The following ELN variants were observed in gnomAD, a reference collection of about 807,000 sequenced individuals.
ELN encodes the protein elastin, also known as tropoelastin.
A neutral mutation model predicts 105.8 loss-of-function variants in ELN; 65 were observed. The ratio of observed to expected loss-of-function variants is 0.61; its 90% CI spans 0.50 to 0.75. The LOEUF is 0.75. ELN is among the 30% of genes least tolerant of loss of function. ELN has a pLI of 0.00. For missense variants in ELN, 882 were observed against 969.4 expected (o/e 0.91, Z 1.20); for synonymous variants, 368 against 389.2 (o/e 0.95, Z 0.64).
intron 1 of ELN, among the ~76,000 whole-genome samples, chr7:74,035,095 C>T (rs1330022776): frequency 1.3e-5 from 2 of 152,272 alleles, no homozygotes; most frequent in Non-Finnish European, 1.5e-5. Flanking sequence ...GCCAAGACTC[C>T]GTCTCAGTCT....
In ELN at chr7:74,068,899, C is replaced by T. The variant is rs1397644519; in HGVS notation, c.*199C>T. ...CCAAGTGCCCCGACCAGGAGGCCCC[C>T]TACTTCAGAGGCAAGGGCCATGTGG... On this transcript the variant is annotated 3_prime_UTR_variant, in exon 33 of 33. Transcript: ENST00000252034. The T allele has an allele frequency of 2.3e-5, 15 of 653,222 alleles. No individual in the cohort carries two copies. In the East Asian group the frequency reaches 4.2e-4, roughly 18 times the overall value. The allele number at this position is 653,222 out of a possible 1,614,324, so 40.5% of individuals were successfully genotyped here. A position where few individuals can be genotyped will look rare whatever the true frequency, so the allele number is the denominator to read the frequency against.
In ELN at chr7:74,063,243, A is replaced by G. The variant is rs1261373233; in HGVS notation, c.1858+19A>G. On this transcript the variant is annotated intron_variant, in intron 27 of 32. Transcript: ENST00000252034. The surrounding 1 kb of genome is among the most constrained non-coding windows in gnomAD (Gnocchi z 4.1). ...GTGGTGGGTGAGTTGAAACCCCAGG[A>G]GGGGCAGGGTGGGGAGGGAATCTAA... 6.2e-7 allele frequency: 1 copy of G among 1,601,276 alleles called. No individual in the cohort carries two copies. The highest frequency in any genetic ancestry group is 8.5e-7 in the Non-Finnish European group (1 of 1,175,664).
rs1404996915 is a variant in ELN at position 74,057,651 on chromosome 7, C to A, written c.1369C>A (p.Pro457Thr). Residue 457 changes from proline to threonine, a missense_variant, in exon 22 of 33, where the codon CCA (proline) becomes ACA (threonine). Transcript: ENST00000252034. ...AKAAKYGVGT[P>T]AAAAAKAAAK... ...CTTCACACCTCCAGGAGTGGGGACC[C>A]CAGCAGCTGCAGCTGCTAAAGCAGC... 2 of 1,613,810 alleles carry A rather than the reference C, an allele frequency of 1.2e-6. No homozygotes were observed. The highest frequency in any genetic ancestry group is 2.7e-5 in the African/African-American group (2 of 74,910).
intron 22 of ELN, 105 bp from the exon 23 acceptor site, chr7:74,059,781 A>C (rs1796185857): frequency 2.5e-6 from 2 of 787,588 alleles, no homozygotes; most frequent in Non-Finnish European, 4.7e-6. Context: ...ATCCAGGGTC[A>C]CACAGCAAAT....
chr7:74,046,539 T>G, intron 11 of ELN, 157 bp from the exon 12 acceptor site: 1 of 814,598 alleles, frequency 1.2e-6, no homozygotes. Flanking sequence ...TGGGAATTTC[T>G]CAACTGACCC....
At chr7:74,050,734 T>A (rs1038701874) in intron 15 of ELN, among the ~76,000 whole-genome samples, 12 of 151,696 alleles carry the variant, frequency 7.9e-5, no homozygotes, top group African/African-American at 2.2e-4. Flanking sequence ...CAAACAAGAG[T>A]TCTCTTAGAG....
intron 6 of ELN, 126 bp downstream of exon 6, chr7:74,042,832 C>T: frequency 1.3e-6 from 2 of 1,531,476 alleles, no homozygotes; most frequent in Non-Finnish European, 1.8e-6. Flanking sequence ...TTGCAATCTA[C>T]TGGGGCTCAG....
At chr7:74,059,837 C>A in intron 22 of ELN, 49 bp from the exon 23 acceptor site, 1 of 900,466 alleles carries the variant, frequency 1.1e-6, no homozygotes, top group Non-Finnish European at 1.9e-6. Flanking sequence ...AAGCTTCTGT[C>A]CTCTTTGATC....
intron 4 of ELN, among the ~76,000 whole-genome samples, chr7:74,038,785 G>A (rs1790524777): frequency 2.0e-5 from 3 of 152,234 alleles, no homozygotes; most frequent in South Asian, 4.1e-4. Context: ...TAATCCAAGT[G>A]CAAATGAATC....
chr7:74,044,939 G>T (rs907541392), intron 9 of ELN, among the ~76,000 whole-genome samples: 1 of 152,220 alleles, frequency 6.6e-6, no homozygotes, highest in South Asian at 2.1e-4. Context: ...GAGGGTGGTC[G>T]AGACGGCTTT....
intron 1 of ELN, among the ~76,000 whole-genome samples, chr7:74,033,381 C>G (rs1009917210): frequency 6.6e-6 from 1 of 152,206 alleles, no homozygotes; most frequent in African/African-American, 2.4e-5. Context: ...CAGAGAAAGA[C>G]GCATAAGAGA....
In ELN at chr7:74,051,189, T is replaced by C. The variant is rs906642287; in HGVS notation, c.800-561T>C. 3.3e-5 allele frequency among the ~76,000 whole-genome samples: 5 copies of C among 152,172 alleles called. No homozygotes were observed. The East Asian group carries it at 9.6e-4, about 29-fold the overall frequency. On this transcript the variant is annotated intron_variant, in intron 15 of 32. Transcript: ENST00000252034. ...TTCATCCTCAGCCCCAGGGAAGCCCTTTCCTTATCTCCCCACCAGCCCGAG... is the reference window on the plus strand; with the variant it reads ...TTCATCCTCAGCCCCAGGGAAGCCCCTTCCTTATCTCCCCACCAGCCCGAG...
In ELN at chr7:74,046,736, G is replaced by T. The variant is rs370155634; in HGVS notation, c.612G>T (p.Leu204=). 6.2e-7 allele frequency: 1 copy of T among 1,614,048 alleles called. No individual in the cohort carries two copies. The highest frequency in any genetic ancestry group is 8.5e-7 in the Non-Finnish European group (1 of 1,180,024). ...GGGGACCGCAACCTGGAGTCCCACT[G>T]GGGTATCCCATCAAGGCCCCCAAGC... is the stretch of plus-strand genomic sequence containing the variant. ...PFGGPQPGVP[L]GYPIKAPKLP... is the part of the protein sequence containing the mutation. The change falls in exon 12 of 33, where the codon CTG becomes CTT. Residue 204 remains leucine (L), a synonymous_variant. Transcript: ENST00000252034.
intron 29 of ELN, 78 bp from the exon 30 acceptor site, chr7:74,065,616 G>GAAAAA: frequency 6.3e-6 from 8 of 1,278,236 alleles, no homozygotes; most frequent in South Asian, 4.0e-5. Context: ...TCTGCCTCAA[G>GAAAAA]AAAAAAAAAA....
intron 9 of ELN, 80 bp downstream of exon 9, chr7:74,044,000 C>T (rs1791874102): frequency 3.2e-6 from 5 of 1,564,606 alleles, no homozygotes; most frequent in Non-Finnish European, 4.4e-6. Context: ...AATCCCATTG[C>T]TTTGGGAGAC....
intron 14 of ELN, 108 bp from the exon 15 acceptor site, chr7:74,048,395 G>A (rs1793069894): frequency 6.4e-7 from 1 of 1,557,670 alleles, no homozygotes; most frequent in Admixed American, 1.7e-5. Context: ...AAGCTCCCAT[G>A]TATACCCACA....
At chr7:74,029,381 G>C (rs1451284487) in intron 1 of ELN, among the ~76,000 whole-genome samples, 4 of 152,178 alleles carry the variant, frequency 2.6e-5, no homozygotes, top group Non-Finnish European at 5.9e-5. Flanking sequence ...GGGTTTGAGG[G>C]TGTGCCCTGT....
rs1368548304 is a variant in ELN, at chr7:74,069,495, G to A, written c.*795G>A. The A allele has an allele frequency of 8.5e-6, 2 of 234,348 alleles. No individual in the cohort carries two copies. The highest frequency in any genetic ancestry group is 2.2e-5 in the African/African-American group (1 of 45,248). 14.5% of individuals were successfully genotyped at this position (234,348 alleles called of 1,614,324 possible). A position where few individuals can be genotyped will look rare whatever the true frequency, so the allele number is the denominator to read the frequency against. On this transcript the variant is annotated 3_prime_UTR_variant, in exon 33 of 33. Transcript: ENST00000252034. ...CATCCTACACTCCCCCAGGGCGTGC[G>A]GGGCTGTGCAGACTGGGGTGCCAGG...
chr7:74,046,060 T>G, intron 10 of ELN, 128 bp from the exon 11 acceptor site: 2 of 1,302,332 alleles, frequency 1.5e-6, no homozygotes, highest in Non-Finnish European at 2.2e-6. Context: ...CCAGAGTTCA[T>G]GTGAGCGCAG....
Sources: allele counts gnomAD v4.1 joint callset (sites outside exome capture counted in the v4.1 genomes callset), GRCh38; gene constraint gnomAD v4.1.1; non-coding constraint Gnocchi (gnomAD v3.1); transcripts MANE v1.5; gene names NCBI Gene and HGNC (gene_info 2026-07-23, HGNC 2026-07-21).